MGAM2: variants seen among roughly 807,000 people sequenced by gnomAD.
MGAM2 encodes the protein probable maltase-glucoamylase 2.
In MGAM2, 98 loss-of-function variants were observed where a neutral mutation model predicts 96.1. The ratio of observed to expected loss-of-function variants is 1.02; its 90% CI spans 0.87 to 1.21. The LOEUF (loss-of-function observed/expected upper bound fraction) is 1.21, where lower values mean the gene tolerates loss of function less well. Ranked by LOEUF, MGAM2 falls within the 50% of genes most tolerant of loss-of-function variation. MGAM2 has a pLI of 0.00. For missense variants in MGAM2, 2,055 were observed against 1,182.4 expected (o/e 1.74, Z -10.82); for synonymous variants, 749 against 414.8 (o/e 1.81, Z -9.79).
chr7:142,164,154 TA>T (rs1039273663), intron 23 of MGAM2, among the ~76,000 whole-genome samples: 1 of 152,242 alleles, frequency 6.6e-6, no homozygotes, highest in African/African-American at 2.4e-5. Flanking sequence ...TCTGTCTTTG[TA>T]AAAAATCATT....
At chr7:142,155,927 C>T (rs969512879) in intron 17 of MGAM2, among the ~76,000 whole-genome samples, 43 of 152,180 alleles carry the variant, frequency 2.8e-4, no homozygotes, top group Admixed American at 7.2e-4. Context: ...GGGAGGATCA[C>T]CTGAGGTCCG....
Position 142,154,000 on chromosome 7 carries a change from G to A in MGAM2, c.1635-18G>A, listed in dbSNP as rs1190686819. 1.6e-6 allele frequency: 1 copy of A among 625,668 alleles called. No individual in the cohort carries two copies. The highest frequency in any genetic ancestry group is 2.1e-5 in the Admixed American group (1 of 47,664). 38.8% of individuals were successfully genotyped at this position (625,668 alleles called of 1,614,324 possible). ...TTCACAGCCCACCTCACACTCCACT[G>A]GATGTATTCCTTTCCAGAGCCCTGG... is the stretch of plus-strand genomic sequence containing the variant. On this transcript the variant is annotated intron_variant, in intron 15 of 47. Coordinates refer to ENST00000477922, the MANE Select transcript of MGAM2 (RefSeq NM_001293626.2).
intron 10 of MGAM2, 135 bp downstream of exon 10, chr7:142,138,802 G>C (rs904862702): frequency 5.0e-6 from 3 of 595,320 alleles, no homozygotes; most frequent in Non-Finnish European, 9.0e-6. Flanking sequence ...GCAGAAATTT[G>C]CATGTTAAGT....
chr7:142,187,655 G>A, intron 35 of MGAM2, 95 bp from the exon 36 acceptor site: 1 of 636,486 alleles, frequency 1.6e-6, no homozygotes, highest in Admixed American at 2.4e-5. Context: ...CTGAGCTGAG[G>A]GCTTCAAAAG....
At chr7:142,179,947 T>C (rs1029479238) in intron 32 of MGAM2, among the ~76,000 whole-genome samples, 2 of 152,188 alleles carry the variant, frequency 1.3e-5, no homozygotes, top group Non-Finnish European at 2.9e-5. Flanking sequence ...CAGCTCTTTG[T>C]ACATCTAGTA....
chr7:142,145,504 C>A (rs2129082048), intron 14 of MGAM2, among the ~76,000 whole-genome samples: 1 of 152,126 alleles, frequency 6.6e-6, no homozygotes, highest in East Asian at 1.9e-4. Flanking sequence ...TAGTCAAGGT[C>A]AATTTTCCAG....
chr7:142,142,522 G>GTTTTTTTT (rs1795259012), intron 12 of MGAM2, among the ~76,000 whole-genome samples: 1 of 108,202 alleles, frequency 9.2e-6, no homozygotes, highest in Non-Finnish European at 2.0e-5. Context: ...ATAGTGGTGT[G>GTTTTTTTT]TGTTTTTTTT....
At chr7:142,167,069 A>G (rs1219428213) in intron 25 of MGAM2, among the ~76,000 whole-genome samples, 199 bp from the exon 26 acceptor site, 1 of 152,224 alleles carries the variant, frequency 6.6e-6, no homozygotes, top group Non-Finnish European at 1.5e-5. Flanking sequence ...TAATTTGTTC[A>G]TTGCAGAAAC....
intron 46 of MGAM2, among the ~76,000 whole-genome samples, chr7:142,209,470 A>G (rs1034099945): frequency 6.6e-6 from 1 of 152,220 alleles, no homozygotes; most frequent in Non-Finnish European, 1.5e-5. Flanking sequence ...AAATGATCCC[A>G]TTGGTAATCT....
chr7:142,114,196 A>AAGAAAGAAAGAAAGAAAGAG (rs1563242680), intron 1 of MGAM2, among the ~76,000 whole-genome samples: 1 of 134,478 alleles, frequency 7.4e-6, no homozygotes, highest in Admixed American at 7.4e-5. Context: ...GAAAGAAAGA[A>AAGAAAGAAAGAAAGAAAGAG]AGAAAGAAAG....
chr7:142,170,897 A>T, intron 27 of MGAM2, among the ~76,000 whole-genome samples: 1 of 152,194 alleles, frequency 6.6e-6, no homozygotes, highest in Non-Finnish European at 1.5e-5. Context: ...ACTCAAGAGA[A>T]GTTGTTCTAA....
intron 19 of MGAM2, 84 bp downstream of exon 19, chr7:142,158,416 G>A (rs1795798672): frequency 2.7e-5 from 18 of 656,240 alleles, no homozygotes; most frequent in South Asian, 2.5e-4. Flanking sequence ...TCCTATCTAT[G>A]ACTGCATTTA....
intron 1 of MGAM2, among the ~76,000 whole-genome samples, chr7:142,114,153 GGAAAGAAAGAAAGAAAGAAA>G (rs772126693): frequency 0.032 from 2,811 of 87,360 alleles, 300 homozygotes; most frequent in African/African-American, 0.13. Context: ...AAAGAAAGAA[GGAAAGAAAGAAAGAAAGAAA>G]GAAAGAAAGA....
intron 12 of MGAM2, 23 bp from the exon 13 acceptor site, chr7:142,143,746 C>T (rs1795303728): frequency 1.8e-6 from 1 of 559,340 alleles, no homozygotes. Context: ...AGCTGATTGC[C>T]ACTGCCTTCC....
chr7:142,218,555 A>G (rs1442413295), intron 47 of MGAM2, 24 bp downstream of exon 47: 2 of 584,366 alleles, frequency 3.4e-6, no homozygotes, highest in East Asian at 5.9e-5. Flanking sequence ...GAATATTAGC[A>G]TATCACAAGT....
chr7:142,190,089 T>C (rs1204700174), intron 37 of MGAM2, among the ~76,000 whole-genome samples: 2 of 152,098 alleles, frequency 1.3e-5, no homozygotes, highest in African/African-American at 4.8e-5. Context: ...TTTCCATTTT[T>C]TTTTTGGCTA....
chr7:142,214,027 C>T (rs1181784599), intron 46 of MGAM2, among the ~76,000 whole-genome samples: 1 of 152,146 alleles, frequency 6.6e-6, no homozygotes, highest in African/African-American at 2.4e-5. Context: ...AATTGCAATC[C>T]ATCACATAAA....
In MGAM2 at chr7:142,119,544, C is replaced by T. The variant is rs773963489; in HGVS notation, c.107-758C>T. On this transcript the variant is annotated intron_variant, in intron 2 of 47. Transcript: ENST00000477922. ...TTAACCACATGACCTAACAATTCCA[C>T]TTCTAGGTATATAACCAAGAAAACT... is the stretch of plus-strand genomic sequence containing the variant. Among the ~76,000 whole-genome samples, 5 of 152,318 alleles carry T rather than the reference C, an allele frequency of 3.3e-5. No individual in the cohort carries two copies. In the East Asian group the frequency reaches 7.7e-4, roughly 23 times the overall value.
chr7:142,168,431 A>G (rs1796093863), intron 26 of MGAM2, among the ~76,000 whole-genome samples: 2 of 152,050 alleles, frequency 1.3e-5, no homozygotes, highest in African/African-American at 4.8e-5. Flanking sequence ...CTCCACGCCC[A>G]GCTAATTTTT....
Sources: gnomAD v4.1 joint callset for allele counts (sites outside exome capture counted in the v4.1 genomes callset) on GRCh38, gnomAD v4.1.1 for gene constraint, MANE v1.5 for transcripts, NCBI Gene and HGNC (gene_info 2026-07-23, HGNC 2026-07-21) for gene names.